EYA2: variants seen among roughly 807,000 people sequenced by gnomAD.
EYA2 encodes protein phosphatase EYA2.
A neutral mutation model predicts 69.2 loss-of-function variants in EYA2; 31 were observed. The observed-to-expected ratio is 0.45, with a 90% CI of 0.34 to 0.60. EYA2 has a LOEUF of 0.60. Among genes scored for constraint, EYA2 ranks in the 20% least tolerant of loss-of-function variants. The probability of loss-of-function intolerance (pLI) is 0.02; values close to 1 mark genes in which losing one functional copy is unlikely to be tolerated. For synonymous variants in EYA2, 257 were observed against 279.4 expected, an observed-to-expected ratio of 0.92 and a Z score of 0.80; for missense variants, 622 against 701.2, an observed-to-expected ratio of 0.89 and a Z score of 1.28.
chr20:46,923,625 C>T (rs1166881825), intron 1 of EYA2, among the ~76,000 whole-genome samples: 1 of 151,944 alleles, frequency 6.6e-6, no homozygotes, highest in African/African-American at 2.4e-5. Flanking sequence ...GGAATATTTA[C>T]GAGTAAAAGG....
intron 3 of EYA2, among the ~76,000 whole-genome samples, chr20:47,003,030 A>G (rs912940618): frequency 6.6e-6 from 1 of 152,242 alleles, no homozygotes; most frequent in African/African-American, 2.4e-5. Context: ...AAAGTGATGT[A>G]ACCAAAATGG....
chr20:47,099,964 G>T (rs892427026), intron 9 of EYA2, among the ~76,000 whole-genome samples: 2 of 152,040 alleles, frequency 1.3e-5, no homozygotes, highest in African/African-American at 4.8e-5. Context: ...ATGAATCAGG[G>T]TGATCCCCTA....
At chr20:47,163,647 G>A (rs1200389748) in intron 10 of EYA2, among the ~76,000 whole-genome samples, 1 of 137,550 alleles carries the variant, frequency 7.3e-6, no homozygotes, top group East Asian at 2.2e-4. Flanking sequence ...GCAGTGAGCC[G>A]AGACTGCACC....
intron 1 of EYA2, among the ~76,000 whole-genome samples, chr20:46,915,000 C>G (rs1051999141): frequency 6.6e-6 from 1 of 152,142 alleles, no homozygotes; most frequent in African/African-American, 2.4e-5. Context: ...GCAGTTTGGC[C>G]TTTTCTTTTC....
chr20:46,913,458 G>A (rs760950877), intron 1 of EYA2, among the ~76,000 whole-genome samples: 112 of 152,258 alleles, frequency 7.4e-4, no homozygotes, highest in Non-Finnish European at 7.8e-4. Context: ...GGAGTCCCTG[G>A]AGGAATGGGA....
chr20:46,987,956 CTCTCTCTCTATATATA>C (rs1981366916), intron 1 of EYA2, among the ~76,000 whole-genome samples: 1 of 37,268 alleles, frequency 2.7e-5, no homozygotes, highest in South Asian at 1.2e-3. Context: ...CTCTCTCTCT[CTCTCTCTCTATATATA>C]TATATATATA....
chr20:46,961,337 T>C (rs979623851), intron 1 of EYA2, among the ~76,000 whole-genome samples: 2 of 151,886 alleles, frequency 1.3e-5, no homozygotes, highest in African/African-American at 4.8e-5. Context: ...AATAAATAAA[T>C]AAATAAATTT....
chr20:47,134,241 G>A (rs1002281355), intron 9 of EYA2, among the ~76,000 whole-genome samples: 3 of 152,184 alleles, frequency 2.0e-5, no homozygotes, highest in African/African-American at 7.2e-5. Flanking sequence ...CAGTCATGCA[G>A]CTGAGCCATG....
chr20:47,078,361 AC>A lies in EYA2; in HGVS notation c.661+4027del, dbSNP rs1175049994. On this transcript the variant is annotated intron_variant, in intron 7 of 15. Coordinates refer to ENST00000327619, the MANE Select transcript of EYA2 (RefSeq NM_005244.5). Reference sequence around the variant, plus strand: ...CACACACACACACACACACACACACACATTCATGCACTCTTTTTAAATTTCC... The same window carrying A: ...CACACACACACACACACACACACACAATTCATGCACTCTTTTTAAATTTCC... Among the ~76,000 whole-genome samples the A allele has an allele frequency of 4.1e-3, 620 of 151,608 alleles. 7 individuals carry two copies. Among genetic ancestry groups the A allele is most frequent in the African/African-American group, 0.015 (600 of 41,112 alleles).
chr20:47,023,372 G>A (rs1044368667), intron 5 of EYA2, among the ~76,000 whole-genome samples: 2 of 151,970 alleles, frequency 1.3e-5, no homozygotes, highest in South Asian at 2.1e-4. Context: ...TTGTTGTTAC[G>A]TGCCTTGATG....
chr20:47,144,000 AT>A lies in EYA2; in HGVS notation c.978+853del, dbSNP rs1347882154. 1.8e-4 allele frequency among the ~76,000 whole-genome samples: 28 copies of A among 152,374 alleles called. No homozygotes were observed. The East Asian group carries it at 5.4e-3, about 29-fold the overall frequency. On this transcript the variant is annotated intron_variant, in intron 10 of 15. Coordinates refer to ENST00000327619, the MANE Select transcript of EYA2 (RefSeq NM_005244.5). ...AGAAGGGGTTTTGGCTGATAAAAGG[AT>A]CAGTAAGGAAATCTTCTGGCTTTGT...
chr20:46,910,341 C>T (rs930029157), intron 1 of EYA2, among the ~76,000 whole-genome samples: 3 of 152,184 alleles, frequency 2.0e-5, no homozygotes, highest in Non-Finnish European at 4.4e-5. Context: ...TATGAGAACT[C>T]TGTCACAAGA....
chr20:46,938,358 C>A (rs1293891750), intron 1 of EYA2, among the ~76,000 whole-genome samples: 2 of 152,192 alleles, frequency 1.3e-5, no homozygotes, highest in African/African-American at 4.8e-5. Context: ...GCAGTAGTAT[C>A]TATTACTGCA....
At chr20:46,946,911 G>A (rs949298782) in intron 1 of EYA2, among the ~76,000 whole-genome samples, 3 of 152,166 alleles carry the variant, frequency 2.0e-5, no homozygotes, top group South Asian at 2.1e-4. Flanking sequence ...CCCCTAGAGC[G>A]TGAGTTGGCA....
chr20:46,977,051 A>G (rs1980506311), intron 1 of EYA2, among the ~76,000 whole-genome samples: 1 of 152,278 alleles, frequency 6.6e-6, no homozygotes, highest in Non-Finnish European at 1.5e-5. Flanking sequence ...AATGAACACC[A>G]AGGTATTTTA....
chr20:47,046,029 T>C (rs372248817), intron 5 of EYA2, among the ~76,000 whole-genome samples: 18 of 152,308 alleles, frequency 1.2e-4, no homozygotes, highest in African/African-American at 4.1e-4. Context: ...GGGTAGCTTA[T>C]AAACAACAGA....
rs116376776 is a variant in EYA2, at chr20:47,044,670, A to G, written c.416-27515A>G. Among the ~76,000 whole-genome samples, 824 of 152,286 alleles carry G rather than the reference A, an allele frequency of 5.4e-3. 6 individuals carry two copies. The highest frequency in any genetic ancestry group is 0.019 in the African/African-American group (790 of 41,558). ...TAATTCCTTCACTCAGCAAACATTT[A>G]TTGAGGGCATGCCAAGTGCTTAACT... On this transcript the variant is annotated intron_variant, in intron 5 of 15. Transcript: ENST00000327619.
intron 7 of EYA2, among the ~76,000 whole-genome samples, chr20:47,088,458 A>C (rs765022038): frequency 4.6e-5 from 7 of 152,234 alleles, no homozygotes; most frequent in Admixed American, 2.6e-4. Flanking sequence ...TTGTAAATGC[A>C]TAACTCCTCC....
chr20:47,001,576 G>A, intron 3 of EYA2, 103 bp downstream of exon 3: 1 of 1,231,138 alleles, frequency 8.1e-7, no homozygotes. Flanking sequence ...TCCCTGGATA[G>A]GAATCCCAGC....
Sources: gnomAD v4.1 joint callset for allele counts (sites outside exome capture counted in the v4.1 genomes callset) on GRCh38, gnomAD v4.1.1 for gene constraint, MANE v1.5 for transcripts, NCBI Gene and HGNC (gene_info 2026-07-23, HGNC 2026-07-21) for gene names.